Variants in GON4L observed in about 807,000 individuals in gnomAD.
GON4L encodes gon-4 like.
A neutral mutation model predicts 211.8 loss-of-function variants in GON4L; 87 were observed. The ratio of observed to expected loss-of-function variants is 0.41; its 90% confidence interval spans 0.35 to 0.49. GON4L has a LOEUF of 0.49. Among genes scored for constraint, GON4L ranks in the 20% least tolerant of loss-of-function variants. The pLI, the probability that GON4L is intolerant of heterozygous loss-of-function variation, is 0.15. For synonymous variants in GON4L, 875 were observed against 962.6 expected (o/e 0.91, Z 1.68); for missense variants, 2,155 against 2,659.5 (o/e 0.81, Z 4.17).
At chr1:155,807,703 C>CAAAAAAAAAAAAAAA (rs61248477) in intron 10 of GON4L, among the ~76,000 whole-genome samples, 9 of 52,898 alleles carry the variant, frequency 1.7e-4, no homozygotes, top group Non-Finnish European at 1.8e-4. Flanking sequence ...GACTCCGTCT[C>CAAAAAAAAAAAAAAA]AAAAAAAAAA....
chr1:155,819,321 T>C (rs1014617188), intron 6 of GON4L, among the ~76,000 whole-genome samples: 8 of 149,514 alleles, frequency 5.4e-5, no homozygotes, highest in African/African-American at 2.0e-4. Flanking sequence ...GGGGGAGAAA[T>C]TGGGGGATGT....
intron 2 of GON4L, among the ~76,000 whole-genome samples, chr1:155,830,512 G>A (rs576379629): frequency 6.6e-6 from 1 of 151,898 alleles, no homozygotes; most frequent in Non-Finnish European, 1.5e-5. Flanking sequence ...CCTGACCTCA[G>A]GTGATCCGCC....
At chr1:155,768,327 A>G (rs575763130) in intron 19 of GON4L, among the ~76,000 whole-genome samples, 2 of 111,760 alleles carry the variant, frequency 1.8e-5, no homozygotes, top group East Asian at 6.2e-4. Context: ...AAAAAAAAGA[A>G]TAGGCCAGGC....
intron 12 of GON4L, among the ~76,000 whole-genome samples, chr1:155,786,501 A>T (rs1173386436): frequency 6.6e-6 from 1 of 152,104 alleles, no homozygotes; most frequent in Non-Finnish European, 1.5e-5. Context: ...ACTGCATTCC[A>T]GCCTGGGCGA....
At chr1:155,759,916 CTATA>C (rs1661594747) in intron 24 of GON4L, among the ~76,000 whole-genome samples, 1 of 146,642 alleles carries the variant, frequency 6.8e-6, no homozygotes, top group Admixed American at 6.8e-5. Context: ...ACATTGTATA[CTATA>C]TATTTTGCTG....
intron 1 of GON4L, among the ~76,000 whole-genome samples, chr1:155,856,396 T>A (rs1041479019): frequency 6.7e-6 from 1 of 148,836 alleles, no homozygotes; most frequent in African/African-American, 2.5e-5. Context: ...CCTCAACGAC[T>A]TTTTTTCTTT....
At chr1:155,822,759 T>C (rs895575777) in intron 3 of GON4L, among the ~76,000 whole-genome samples, 1 of 152,112 alleles carries the variant, frequency 6.6e-6, no homozygotes, top group African/African-American at 2.4e-5. Context: ...TCCACGTTGG[T>C]TGTGGTAGCA....
chr1:155,838,842 A>G (rs559767206), intron 2 of GON4L, among the ~76,000 whole-genome samples: 1 of 151,526 alleles, frequency 6.6e-6, no homozygotes, highest in African/African-American at 2.4e-5. Flanking sequence ...AAATGCTTAT[A>G]AGTGAACTTT....
intron 18 of GON4L, among the ~76,000 whole-genome samples, chr1:155,772,526 G>A (rs555975329): frequency 9.9e-5 from 15 of 151,584 alleles, no homozygotes; most frequent in African/African-American, 3.6e-4. Flanking sequence ...GCCAAGGTGG[G>A]AGGATGCCTT....
chr1:155,791,113 G>A (rs557012826), intron 12 of GON4L, among the ~76,000 whole-genome samples: 2 of 147,932 alleles, frequency 1.4e-5, no homozygotes, highest in East Asian at 4.1e-4. Flanking sequence ...AATACAAAAA[G>A]TAGCCGGGCA....
In GON4L at chr1:155,807,730, A is replaced by AAAAAAAAAC. The variant is rs1395575383; in HGVS notation, c.1453-2590_1453-2589insGTTTTTTTT. ...AAAAAAAAAAAAAAAAAAAAAGAAA[A>AAAAAAAAAC]TCAGAAAGTGTGAGACCTCCATCTT... On this transcript the variant is annotated intron_variant, in intron 10 of 31. Coordinates refer to ENST00000368331, the MANE Select transcript of GON4L (RefSeq NM_001282860.2). Among the ~76,000 whole-genome samples, 47 of 143,890 alleles carry AAAAAAAAAC rather than the reference A, an allele frequency of 3.3e-4. 1 individual carries two copies. The highest frequency in any genetic ancestry group is 3.5e-4 in the Non-Finnish European group (23 of 66,220). The allele number at this position is 143,890 out of a possible 152,430, so 94.4% of individuals were successfully genotyped here. A position where few individuals can be genotyped will look rare whatever the true frequency, so the allele number is the denominator to read the frequency against.
rs1449493700 is a variant in GON4L, at chr1:155,836,251, T to A, written c.506-9223A>T. 8.9e-4 allele frequency among the ~76,000 whole-genome samples: 7 copies of A among 7,834 alleles called. No individual in the cohort carries two copies. The Non-Finnish European group carries it at 0.086, about 96-fold the overall frequency. 5.1% of individuals were successfully genotyped at this position (7,834 alleles called of 152,430 possible). A position where few individuals can be genotyped will look rare whatever the true frequency, so the allele number is the denominator to read the frequency against. The stretch of plus-strand genomic sequence containing the variant: ...CCCTCAATGTGTGTTTTGTTTTCGT[T>A]TTTTTTTTTTTTTTTTGAGACGACA... On this transcript the variant is annotated intron_variant, in intron 2 of 31. Coordinates refer to ENST00000368331, the MANE Select transcript of GON4L (RefSeq NM_001282860.2).
intron 2 of GON4L, chr1:155,846,038 C>CA (rs1671202428): frequency 4.7e-6 from 1 of 211,354 alleles, no homozygotes; most frequent in Non-Finnish European, 1.0e-5. Context: ...CACCAACCAC[C>CA]AATTCATCTA....
Position 155,762,260 on chromosome 1 carries a change from T to C in GON4L, c.4841A>G (p.Glu1614Gly). Residue 1614 changes from glutamate to glycine, a missense_variant, in exon 23 of 32, where the codon GAG (glutamate) becomes GGG (glycine). Glu to Gly is a moderately conservative substitution (Grantham distance 98). This residue lies in a region of GON4L where 455 missense variants were observed against 504.6 expected (regional missense o/e 0.90). Transcript: ENST00000368331. The part of the protein sequence containing the change: ...DTSKLLLLYD[E>G]DILERDPLRE... ...GAGTGGATCTCGCTCGAGAATGTCC[T>C]CATCATACAGCAACAGCAGCTTGGA... 6.2e-7 allele frequency: 1 copy of C among 1,612,980 alleles called. No individual in the cohort carries two copies. Among genetic ancestry groups the C allele is most frequent in the South Asian group, 1.1e-5 (1 of 90,784 alleles).
chr1:155,784,358 C>CTTTTT lies in GON4L; in HGVS notation c.1789-274_1789-270dup, dbSNP rs869034483. The CTTTTT allele has an allele frequency of 5.0e-4, 52 of 104,124 alleles. 2 individuals are homozygous for CTTTTT. The highest frequency in any genetic ancestry group is 1.3e-3 in the Admixed American group (7 of 5,244). 6.5% of individuals were successfully genotyped at this position (104,124 alleles called of 1,614,324 possible). On this transcript the variant is annotated intron_variant, in intron 13 of 31. Coordinates refer to ENST00000368331, the MANE Select transcript of GON4L (RefSeq NM_001282860.2). ...ACTCAAAATTATCAATCTCTCTCTC[C>CTTTTT]TTTTTTTTTTTTTTTTTTTTTTTTT...
At chr1:155,756,860 TG>T in intron 27 of GON4L, 97 bp downstream of exon 27, 1 of 817,342 alleles carries the variant, frequency 1.2e-6, no homozygotes, top group Non-Finnish European at 2.0e-6. Context: ...ATCTGGGAGG[TG>T]GAGGTTGCAG....
chr1:155,792,917 T>C (rs1167236810), intron 12 of GON4L, among the ~76,000 whole-genome samples: 1 of 152,028 alleles, frequency 6.6e-6, no homozygotes, highest in Non-Finnish European at 1.5e-5. Flanking sequence ...CCACGACAAC[T>C]AATTTTCATT....
At chr1:155,760,391 A>G in intron 24 of GON4L, 53 bp downstream of exon 24, 1 of 1,108,856 alleles carries the variant, frequency 9.0e-7, no homozygotes, top group South Asian at 1.4e-5. Context: ...ATTCAATCCC[A>G]GTCTCACTCT....
rs376374567 is a variant in GON4L at position 155,817,248 on chromosome 1, C to T, written c.1015-986G>A. The stretch of plus-strand genomic sequence containing the variant: ...GGCTCAAACAATCCTCCCACCTTAG[C>T]CTCTCAAAGCACTGGGATTATAGGT... On this transcript the variant is annotated intron_variant, in intron 6 of 31. Transcript: ENST00000368331. 3.1e-4 allele frequency among the ~76,000 whole-genome samples: 47 copies of T among 152,284 alleles called. 1 individual carries two copies. In the South Asian group the frequency reaches 9.5e-3, roughly 31 times the overall value.
Sources: gnomAD v4.1 joint callset for allele counts (sites outside exome capture counted in the v4.1 genomes callset) on GRCh38, gnomAD v4.1.1 for gene constraint, gnomAD v4.1.1 regional missense constraint, MANE v1.5 for transcripts, NCBI Gene and HGNC (gene_info 2026-07-23, HGNC 2026-07-21) for gene names.